The following TMEM204 variants were observed in gnomAD, a reference collection of about 807,000 sequenced individuals.
The protein encoded by TMEM204 is transmembrane protein 204, also known as claudin-like protein 24.
TMEM204 carries 15 observed loss-of-function variants against 19.4 expected under a neutral mutation model. The observed-to-expected ratio is 0.77, with a 90% CI of 0.52 to 1.19. TMEM204 has a LOEUF of 1.19. Ranked by LOEUF, TMEM204 falls within the 50% of genes most tolerant of loss-of-function variation. The probability of loss-of-function intolerance (pLI) is 0.00; values close to 1 mark genes in which losing one functional copy is unlikely to be tolerated. For missense variants in TMEM204, 287 were observed against 321.2 expected, an observed-to-expected ratio of 0.89 and a Z score of 0.81; for synonymous variants, 161 against 146.0, an observed-to-expected ratio of 1.10 and a Z score of -0.74.
intron 2 of TMEM204, chr16:1,554,211 T>C: frequency 9.5e-7 from 1 of 1,058,142 alleles, no homozygotes; most frequent in African/African-American, 1.7e-5. Context: ...CCAGGCCATC[T>C]GGAGTTCCCA....
chr16:1,533,298 A>C (rs990187674), upstream of TMEM204: 1 of 121,328 alleles, frequency 8.2e-6, no homozygotes, highest in Middle Eastern at 5.0e-3. The surrounding 1 kb of genome is among the most constrained non-coding windows in gnomAD (Gnocchi z 4.7). Context: ...GGGCGGGGGG[A>C]GGCTTGTGGT....
chr16:1,554,718 T>TG lies in TMEM204; in HGVS notation c.437-60dup, dbSNP rs1004466643. 4.4e-6 allele frequency: 7 copies of TG among 1,590,336 alleles called. No individual in the cohort carries two copies. The Admixed American group carries it at 1.0e-4, about 23-fold the overall frequency. ...TGGAACCTGCTCTAGGACAGAGGGC[T>TG]GGGGAAGGAGTGGAACCCGCCTTCC... On this transcript the variant is annotated intron_variant, in intron 2 of 2. Coordinates refer to ENST00000566264, the MANE Select transcript of TMEM204 (RefSeq NM_024600.6).
intron 1 of TMEM204, among the ~76,000 whole-genome samples, chr16:1,535,321 G>A (rs1442762107): frequency 6.6e-6 from 1 of 152,154 alleles, no homozygotes; most frequent in East Asian, 1.9e-4. Flanking sequence ...TGAGTGGCAG[G>A]TGTGAGGCTG....
intron 2 of TMEM204, among the ~76,000 whole-genome samples, chr16:1,545,917 C>G (rs553135979): frequency 6.6e-6 from 1 of 152,364 alleles, no homozygotes; most frequent in Admixed American, 6.5e-5. Flanking sequence ...CCTGCTCTGA[C>G]ACCCAGAGAG....
chr16:1,544,086 C>T (rs1239991222), intron 2 of TMEM204, among the ~76,000 whole-genome samples: 3 of 150,638 alleles, frequency 2.0e-5, no homozygotes, highest in Admixed American at 6.6e-5. Context: ...GGCGCAATCT[C>T]GGCTCACTGC....
At chr16:1,535,883 C>T (rs1303110009) in intron 1 of TMEM204, among the ~76,000 whole-genome samples, 2 of 152,270 alleles carry the variant, frequency 1.3e-5, no homozygotes, top group Admixed American at 6.5e-5. Context: ...TCTCAGAACT[C>T]GGTGTCTTAT....
At chr16:1,549,146 G>A (rs1234945020) in intron 2 of TMEM204, among the ~76,000 whole-genome samples, 4 of 152,244 alleles carry the variant, frequency 2.6e-5, no homozygotes, top group Admixed American at 6.5e-5. Flanking sequence ...TCTCACTGGC[G>A]TCCGAGGGCG....
intron 2 of TMEM204, among the ~76,000 whole-genome samples, chr16:1,547,439 G>A (rs1279819966): frequency 2.0e-5 from 3 of 152,156 alleles, no homozygotes; most frequent in Non-Finnish European, 2.9e-5. Context: ...AATCTTGCTC[G>A]CTGGTGAGAA....
Position 1,537,770 on chromosome 16 carries a change from C to T in TMEM204, c.280+3215C>T, listed in dbSNP as rs555441590. Among the ~76,000 whole-genome samples, 13 of 152,330 alleles carry T rather than the reference C, an allele frequency of 8.5e-5. 1 individual carries two copies. The South Asian group carries it at 1.7e-3, about 19-fold the overall frequency. On this transcript the variant is annotated intron_variant, in intron 1 of 2. Transcript: ENST00000566264. The stretch of plus-strand genomic sequence containing the variant: ...ACAAGGTGGCTTGGGAACAGATGAC[C>T]GTGTGATTGAATCTCGAGGCAGGCG...
rs963536261 is a variant in TMEM204 at position 1,554,116 on chromosome 16, C to G, written c.437-666C>G. 3.1e-6 allele frequency: 4 copies of G among 1,287,004 alleles called. No homozygotes were observed. The Admixed American group carries it at 6.9e-5, about 22-fold the overall frequency. 79.7% of individuals were successfully genotyped at this position (1,287,004 alleles called of 1,614,324 possible). On this transcript the variant is annotated intron_variant, in intron 2 of 2. Transcript: ENST00000566264. ...GGGTCTAGAACGAGAAGCACTGACT[C>G]GGAAGTGAGGGAAGACACCAGATAT...
intron 2 of TMEM204, among the ~76,000 whole-genome samples, chr16:1,543,938 G>A (rs986095725): frequency 4.6e-5 from 7 of 152,160 alleles, no homozygotes; most frequent in Non-Finnish European, 8.8e-5. Context: ...ATATTTTAGC[G>A]GCATAGAGAA....
rs537211478 is a variant in TMEM204 at position 1,551,283 on chromosome 16, G to A, written c.437-3499G>A. 1.1e-4 allele frequency among the ~76,000 whole-genome samples: 16 copies of A among 152,302 alleles called. 1 individual carries two copies. The South Asian group carries it at 2.9e-3, about 28-fold the overall frequency. On this transcript the variant is annotated intron_variant, in intron 2 of 2. Coordinates refer to ENST00000566264, the MANE Select transcript of TMEM204 (RefSeq NM_024600.6). This position sits in a 1 kb window ranked among gnomAD's most constrained non-coding sequence, Gnocchi z 4.0. The stretch of plus-strand genomic sequence containing the variant: ...GGGTAAAGACACAATGACCACGGCT[G>A]GCAGGGGTGGGCAGGTGCAACTCTA...
chr16:1,541,183 G>C (rs1389810647), intron 1 of TMEM204: 1 of 985,304 alleles, frequency 1.0e-6, no homozygotes, highest in Non-Finnish European at 1.2e-6. Context: ...GACAGAGAAG[G>C]CTGGGCACAG....
In TMEM204 at chr16:1,553,222, C is replaced by G; in HGVS notation, c.437-1560C>G. The G allele has an allele frequency of 1.0e-6, 1 of 979,888 alleles. No individual in the cohort carries two copies. The highest frequency in any genetic ancestry group is 1.2e-6 in the Non-Finnish European group (1 of 824,924). The allele number at this position is 979,888 out of a possible 1,614,324, so 60.7% of individuals were successfully genotyped here. On this transcript the variant is annotated intron_variant, in intron 2 of 2. Coordinates refer to ENST00000566264, the MANE Select transcript of TMEM204 (RefSeq NM_024600.6). This position sits in a 1 kb window ranked among gnomAD's most constrained non-coding sequence, Gnocchi z 4.4. ...TGTCTCTGTCTCTGTCTCTCTCTGT[C>G]TCCATCTGTCTCTGTGTCTGTCTCT...
Position 1,553,292 on chromosome 16 carries a change from CTGTCTCTCTGTGTCTCTGTCTCTG to C in TMEM204, c.437-1482_437-1459del, listed in dbSNP as rs1340488938. On this transcript the variant is annotated intron_variant, in intron 2 of 2. Coordinates refer to ENST00000566264, the MANE Select transcript of TMEM204 (RefSeq NM_024600.6). This position sits in a 1 kb window ranked among gnomAD's most constrained non-coding sequence, Gnocchi z 4.4. ...GGTCTCTGTCTCTCTGTGTCTCTGCCTGTCTCTCTGTGTCTCTGTCTCTGTGTCTCTGTCCCTGTGTCTCTTTTT... is the reference window on the plus strand; with the variant it reads ...GGTCTCTGTCTCTCTGTGTCTCTGCCTGTCTCTGTCCCTGTGTCTCTTTTT... 1 of 983,088 alleles carries C rather than the reference CTGTCTCTCTGTGTCTCTGTCTCTG, an allele frequency of 1.0e-6. No individual in the cohort carries two copies. Among genetic ancestry groups the C allele is most frequent in the East Asian group, 1.1e-4 (1 of 8,810 alleles). 60.9% of individuals were successfully genotyped at this position (983,088 alleles called of 1,614,324 possible).
At chr16:1,554,186 C>T (rs1596355010) in intron 2 of TMEM204, 1 of 1,232,262 alleles carries the variant, frequency 8.1e-7, no homozygotes, top group East Asian at 5.7e-5. Flanking sequence ...CTCCGCCCTG[C>T]CTGAGCTGCA....
At position 1,551,868 on chromosome 16, in the gene TMEM204, A is replaced by T. The variant is rs2032669306; in HGVS notation, c.437-2914A>T. On this transcript the variant is annotated intron_variant, in intron 2 of 2. Coordinates refer to ENST00000566264, the MANE Select transcript of TMEM204 (RefSeq NM_024600.6). The surrounding 1 kb of genome is among the most constrained non-coding windows in gnomAD (Gnocchi z 4.0). ...GTTTTCTTCCCGAGGTTTTCCTAGA[A>T]AGCCACTGTAAATCCGAGCTGTGCA... is the stretch of plus-strand genomic sequence containing the variant. Among the ~76,000 whole-genome samples, 1 of 152,038 alleles carries T rather than the reference A, an allele frequency of 6.6e-6. No individual in the cohort carries two copies. Among genetic ancestry groups the T allele is most frequent in the Non-Finnish European group, 1.5e-5 (1 of 67,984 alleles).
At chr16:1,538,271 C>T (rs1281902974) in intron 1 of TMEM204, among the ~76,000 whole-genome samples, 1 of 152,158 alleles carries the variant, frequency 6.6e-6, no homozygotes, top group African/African-American at 2.4e-5. Context: ...CTGCACAGAG[C>T]CCCTGCCATG....
intron 2 of TMEM204, among the ~76,000 whole-genome samples, chr16:1,546,711 G>A (rs1040876500): frequency 1.3e-5 from 2 of 152,178 alleles, no homozygotes; most frequent in African/African-American, 4.8e-5. Flanking sequence ...GGGCCCTCCC[G>A]CCCGCAGCTC....
Sources: allele counts gnomAD v4.1 joint callset (sites outside exome capture counted in the v4.1 genomes callset), GRCh38; gene constraint gnomAD v4.1.1; non-coding constraint Gnocchi (gnomAD v3.1); transcripts MANE v1.5; gene names NCBI Gene and HGNC (gene_info 2026-07-23, HGNC 2026-07-21).